The following PCLO variants were observed in gnomAD, a reference collection of about 807,000 sequenced individuals.
The protein encoded by PCLO is piccolo presynaptic cytomatrix protein, also known as protein piccolo.
PCLO carries 82 observed loss-of-function variants against 427.5 expected under a neutral mutation model. The observed-to-expected ratio is 0.19, with a 90% CI of 0.16 to 0.23. The LOEUF (loss-of-function observed/expected upper bound fraction) is 0.23, where lower values mean the gene tolerates loss of function less well. Ranked by LOEUF, PCLO falls within the 10% of genes least tolerant of loss-of-function variation. The probability of loss-of-function intolerance (pLI) is 1.00; values close to 1 mark genes in which losing one functional copy is unlikely to be tolerated. For missense variants in PCLO, 6,239 were observed against 6,115.9 expected, an observed-to-expected ratio of 1.02 and a Z score of -0.67; for synonymous variants, 2,357 against 2,155.4, an observed-to-expected ratio of 1.09 and a Z score of -2.59.
intron 9 of PCLO, among the ~76,000 whole-genome samples, chr7:82,896,480 T>C (rs984124679): frequency 4.0e-5 from 6 of 151,582 alleles, no homozygotes; most frequent in Non-Finnish European, 8.9e-5. Flanking sequence ...CAGTAGTTAG[T>C]TTTTGGATGA....
intron 3 of PCLO, among the ~76,000 whole-genome samples, chr7:82,993,292 A>AAG (rs1339806502): frequency 5.9e-5 from 9 of 152,134 alleles, no homozygotes; most frequent in Non-Finnish European, 1.3e-4. Context: ...AAAAAAGTGA[A>AAG]AGATCTGGCC....
At chr7:82,851,360 T>C (rs1455814284) in intron 10 of PCLO, among the ~76,000 whole-genome samples, 5 of 151,900 alleles carry the variant, frequency 3.3e-5, no homozygotes, top group East Asian at 1.9e-4. Flanking sequence ...GGATCCATCC[T>C]GAAGTCTTTG....
intron 3 of PCLO, among the ~76,000 whole-genome samples, chr7:83,033,460 C>T (rs984491809): frequency 6.6e-6 from 1 of 152,084 alleles, no homozygotes; most frequent in Non-Finnish European, 1.5e-5. Context: ...AGTAGGACTA[C>T]CTAAATGGTC....
At chr7:83,068,457 C>G (rs1458554582) in intron 3 of PCLO, among the ~76,000 whole-genome samples, 1 of 152,052 alleles carries the variant, frequency 6.6e-6, no homozygotes, top group Non-Finnish European at 1.5e-5. Flanking sequence ...ATTAAAAAAT[C>G]TACTCAGCAA....
chr7:82,791,796 A>G (rs968129398), intron 22 of PCLO, among the ~76,000 whole-genome samples: 1 of 152,082 alleles, frequency 6.6e-6, no homozygotes, highest in African/African-American at 2.4e-5. Flanking sequence ...ATTTTCTTAT[A>G]CAGAAAATTA....
intron 3 of PCLO, among the ~76,000 whole-genome samples, chr7:83,094,210 C>CTGTTTTT (rs61363541): frequency 4.8e-5 from 6 of 126,016 alleles, no homozygotes; most frequent in African/African-American, 9.2e-5. Flanking sequence ...ATTTTTTTTT[C>CTGTTTTT]TTTTTTTTTT....
At chr7:82,858,099 C>T (rs1019398394) in intron 10 of PCLO, among the ~76,000 whole-genome samples, 12 of 151,948 alleles carry the variant, frequency 7.9e-5, no homozygotes, top group South Asian at 2.1e-4. Context: ...AATTCAACAG[C>T]GCATTAAAAT....
intron 22 of PCLO, among the ~76,000 whole-genome samples, chr7:82,793,095 T>C (rs1791140624): frequency 6.6e-6 from 1 of 152,152 alleles, no homozygotes; most frequent in African/African-American, 2.4e-5. Context: ...AATACTATTT[T>C]TCACTTGGCC....
chr7:83,021,821 C>T (rs1239880653), intron 3 of PCLO, among the ~76,000 whole-genome samples: 2 of 151,884 alleles, frequency 1.3e-5, no homozygotes, highest in East Asian at 3.9e-4. Context: ...AACTTTACCA[C>T]AAGATAAGAA....
chr7:82,980,877 G>T (rs28390181), intron 3 of PCLO, among the ~76,000 whole-genome samples: 4,305 of 152,198 alleles, frequency 0.028, 208 homozygotes, highest in African/African-American at 0.098. Context: ...CCCTGTAGAT[G>T]TGCTTATCTT....
intron 2 of PCLO, among the ~76,000 whole-genome samples, chr7:83,136,814 T>A (rs1161730798): frequency 6.6e-6 from 1 of 152,140 alleles, no homozygotes; most frequent in Non-Finnish European, 1.5e-5. Flanking sequence ...AATATGCAAA[T>A]GCTTTTTTGC....
chr7:82,869,458 A>G (rs1048269236), intron 10 of PCLO, among the ~76,000 whole-genome samples: 4 of 152,096 alleles, frequency 2.6e-5, no homozygotes, highest in African/African-American at 4.8e-5. Flanking sequence ...AAATCTCAAC[A>G]GAGATTGTCA....
At chr7:82,998,191 C>T (rs966600431) in intron 3 of PCLO, among the ~76,000 whole-genome samples, 1 of 151,834 alleles carries the variant, frequency 6.6e-6, no homozygotes, top group Non-Finnish European at 1.5e-5. Flanking sequence ...GTGGACAAGC[C>T]TGAGAGTTTG....
intron 10 of PCLO, among the ~76,000 whole-genome samples, chr7:82,861,415 T>A (rs1226713474): frequency 6.6e-6 from 1 of 152,044 alleles, no homozygotes; most frequent in Non-Finnish European, 1.5e-5. Flanking sequence ...GTTCACTATA[T>A]AATGATAAAG....
intron 8 of PCLO, among the ~76,000 whole-genome samples, chr7:82,904,519 G>T (rs1267040774): frequency 6.6e-6 from 1 of 151,922 alleles, no homozygotes; most frequent in African/African-American, 2.4e-5. Flanking sequence ...TAAAATTGGT[G>T]GATGTTACTT....
At chr7:83,013,855 A>G (rs1186969761) in intron 3 of PCLO, among the ~76,000 whole-genome samples, 1 of 152,214 alleles carries the variant, frequency 6.6e-6, no homozygotes, top group Non-Finnish European at 1.5e-5. Flanking sequence ...TGAAAACTAT[A>G]TCAGATATTC....
At chr7:82,859,832 A>G (rs573342728) in intron 10 of PCLO, among the ~76,000 whole-genome samples, 9 of 152,306 alleles carry the variant, frequency 5.9e-5, no homozygotes, top group Admixed American at 3.9e-4. Context: ...AAGAACACAG[A>G]GAAGGAATTC....
intron 22 of PCLO, among the ~76,000 whole-genome samples, chr7:82,789,677 C>T (rs1158714879): frequency 6.6e-6 from 1 of 152,114 alleles, no homozygotes; most frequent in African/African-American, 2.4e-5. Context: ...TGCGCTCCAG[C>T]CTGGGCAATA....
At chr7:83,107,120 T>C (rs777413611) in intron 3 of PCLO, among the ~76,000 whole-genome samples, 8 of 152,110 alleles carry the variant, frequency 5.3e-5, no homozygotes, top group Non-Finnish European at 8.8e-5. Context: ...TACAGGTAAA[T>C]TGCATGTCAC....
Sources: allele counts gnomAD v4.1 joint callset (sites outside exome capture counted in the v4.1 genomes callset), GRCh38; gene constraint gnomAD v4.1.1; transcripts MANE v1.5; gene names NCBI Gene and HGNC (gene_info 2026-07-23, HGNC 2026-07-21).